Variants in BECN1 observed in about 807,000 individuals in gnomAD.
BECN1 encodes the protein beclin-1.
A neutral mutation model predicts 60.1 loss-of-function variants in BECN1; 15 were observed. The observed-to-expected ratio is 0.25, with a 90% confidence interval of 0.17 to 0.38. The LOEUF (loss-of-function observed/expected upper bound fraction) is 0.38, where lower values mean the gene tolerates loss of function less well. BECN1 is among the 10% of genes least tolerant of loss of function. BECN1 has a pLI of 1.00. For missense variants in BECN1, 424 were observed against 548.2 expected (o/e 0.77, Z 2.26); for synonymous variants, 179 against 201.8 (o/e 0.89, Z 0.96).
At chr17:42,816,855 A>G (rs913681068) in intron 7 of BECN1, among the ~76,000 whole-genome samples, 11 of 152,142 alleles carry the variant, frequency 7.2e-5, no homozygotes, top group African/African-American at 2.7e-4. Context: ...CTGTAGTCCC[A>G]GCTACTTGGG....
chr17:42,816,112 C>T, intron 7 of BECN1, 58 bp from the exon 8 acceptor site: 1 of 1,488,474 alleles, frequency 6.7e-7, no homozygotes, highest in Admixed American at 2.2e-5. Context: ...AAGTTTCTCT[C>T]TCACCACACT....
chr17:42,812,877 C>G (rs1597927387), intron 10 of BECN1: 1 of 132,814 alleles, frequency 7.5e-6, no homozygotes, highest in East Asian at 2.2e-4. Context: ...CTTTGTCGCC[C>G]AGGCTGGAGT....
intron 2 of BECN1, among the ~76,000 whole-genome samples, chr17:42,821,267 G>T (rs1380985027): frequency 6.6e-6 from 1 of 152,066 alleles, no homozygotes; most frequent in African/African-American, 2.4e-5. Context: ...CACCATGTTG[G>T]CCAGGTCTTG....
chr17:42,824,025 G>A, intron 1 of BECN1, 130 bp downstream of exon 1: 1 of 1,061,320 alleles, frequency 9.4e-7, no homozygotes, highest in Non-Finnish European at 1.3e-6. Flanking sequence ...GATACGGGGA[G>A]GACCTGCTTC....
Position 42,810,850 on chromosome 17 carries a change from A to G in BECN1, c.1263T>C (p.Ser421=). The G allele has an allele frequency of 6.2e-7, 1 of 1,613,728 alleles. No individual in the cohort carries two copies. The highest frequency in any genetic ancestry group is 8.5e-7 in the Non-Finnish European group (1 of 1,179,810). Residue 421 remains serine (S), a synonymous_variant, in exon 12 of 12, where the codon TCT becomes TCC. Coordinates refer to ENST00000590099, the MANE Select transcript of BECN1 (RefSeq NM_001313998.2). ...GSYSIKTQFN[S]EEQWTKALKF... ...TGAGAGCTTTTGTCCACTGCTCCTC[A>G]GAGTTAAACTGGGTTTTGATGGAAT... is the stretch of plus-strand genomic sequence containing the variant.
rs2055107962 is a variant in BECN1, at chr17:42,814,626, A to G, written c.878T>C (p.Leu293Pro). The change falls in exon 9 of 12, where the codon CTG (leucine) becomes CCG (proline). Residue 293 changes from leucine to proline, a missense_variant. Leu to Pro is a moderately conservative substitution (Grantham distance 98). This residue lies in a region of BECN1 where 326 missense variants were observed against 406.2 expected (regional missense o/e 0.80). Transcript: ENST00000590099. ...GTINNFRLGR[L>P]PSVPVEWNEI... ...ATTCCATTCCACGGGAACACTGGGC[A>G]GGCGACCCAGCCTGAAGTTATTGAT... 1 of 1,614,072 alleles carries G rather than the reference A, an allele frequency of 6.2e-7. No individual in the cohort carries two copies. The highest frequency in any genetic ancestry group is 1.3e-5 in the African/African-American group (1 of 74,930).
intron 11 of BECN1, 85 bp from the exon 12 acceptor site, chr17:42,811,013 C>T: frequency 2.2e-6 from 3 of 1,345,170 alleles, no homozygotes; most frequent in Non-Finnish European, 3.0e-6. Flanking sequence ...TGGGACCATT[C>T]ACGTCATTTT....
chr17:42,814,701 G>A, intron 8 of BECN1, 28 bp from the exon 9 acceptor site: 1 of 1,612,630 alleles, frequency 6.2e-7, no homozygotes, highest in Non-Finnish European at 8.5e-7. Flanking sequence ...AAGGTGGGGG[G>A]AAATACAGGG....
chr17:42,813,887 C>A, intron 10 of BECN1, 61 bp downstream of exon 10: 1 of 1,233,672 alleles, frequency 8.1e-7, no homozygotes, highest in Non-Finnish European at 1.1e-6. Context: ...AGCAAACCAT[C>A]CATTTTCTTA....
chr17:42,813,867 C>A, intron 10 of BECN1, 81 bp downstream of exon 10: 1 of 1,018,706 alleles, frequency 9.8e-7, no homozygotes, highest in Non-Finnish European at 1.5e-6. Flanking sequence ...AAATTGAATG[C>A]CAATATCAAA....
chr17:42,823,500 C>G (rs991834436), intron 2 of BECN1, among the ~76,000 whole-genome samples: 1 of 152,160 alleles, frequency 6.6e-6, no homozygotes, highest in African/African-American at 2.4e-5. Flanking sequence ...GTGATCTGCC[C>G]GCCTCGGTCT....
rs2054977460 is a variant in BECN1 at position 42,810,674 on chromosome 17, A to G, written c.*86T>C. 1.4e-6 allele frequency: 2 copies of G among 1,419,638 alleles called. No homozygotes were observed. The highest frequency in any genetic ancestry group is 1.9e-6 in the Non-Finnish European group (2 of 1,051,104). 87.9% of individuals were successfully genotyped at this position (1,419,638 alleles called of 1,614,324 possible). Reference sequence around the variant, plus strand: ...TGGTATTGTAAACATGTACTGTTTAATATTACCCGAATTTAATTTAAAACA... The same window carrying G: ...TGGTATTGTAAACATGTACTGTTTAGTATTACCCGAATTTAATTTAAAACA... On this transcript the variant is annotated 3_prime_UTR_variant, in exon 12 of 12. Coordinates refer to ENST00000590099, the MANE Select transcript of BECN1 (RefSeq NM_001313998.2).
At chr17:42,822,710 AT>A (rs2055293885) in intron 2 of BECN1, among the ~76,000 whole-genome samples, 1 of 151,658 alleles carries the variant, frequency 6.6e-6, no homozygotes, top group South Asian at 2.1e-4. Flanking sequence ...TTTTTAATTA[AT>A]TTATTTTTTG....
Position 42,818,893 on chromosome 17 carries a change from C to G in BECN1, c.261-16G>C. ...GGACATCATCCTGCAGACAGCCCCC[C>G]GCCCACGGGCCACATGAGGGAACAG... is the stretch of plus-strand genomic sequence containing the variant. On this transcript the variant is annotated splice_polypyrimidine_tract_variant and intron_variant, in intron 4 of 11. Transcript: ENST00000590099. The G allele has an allele frequency of 6.2e-7, 1 of 1,613,558 alleles. No homozygotes were observed. Among genetic ancestry groups the G allele is most frequent in the Non-Finnish European group, 8.5e-7 (1 of 1,179,608 alleles).
In BECN1 at chr17:42,820,573, G is replaced by C. The variant is rs1220902627; in HGVS notation, c.198+201C>G. 7.9e-6 allele frequency: 4 copies of C among 505,906 alleles called. No homozygotes were observed. In the East Asian group the frequency reaches 8.8e-5, roughly 11 times the overall value. 31.3% of individuals were successfully genotyped at this position (505,906 alleles called of 1,614,324 possible). On this transcript the variant is annotated intron_variant, in intron 3 of 11. Transcript: ENST00000590099. ...CTAATTCAGTAACCCTGTGACCTCA[G>C]GTGCAGATCTGTACCTCCAATGGTG...
rs147009277 is a variant in BECN1 at position 42,818,473 on chromosome 17, C to T, written c.489-58G>A. On this transcript the variant is annotated intron_variant, in intron 6 of 11. Coordinates refer to ENST00000590099, the MANE Select transcript of BECN1 (RefSeq NM_001313998.2). ...GAGCTCCATTTGCCTGAGTGGAGTACGGCTCTTGGGTAAGGGCCAAGCAGT... is the reference window on the plus strand; with the variant it reads ...GAGCTCCATTTGCCTGAGTGGAGTATGGCTCTTGGGTAAGGGCCAAGCAGT... The T allele has an allele frequency of 5.7e-4, 916 of 1,611,794 alleles. 1 individual carries two copies. Among genetic ancestry groups the T allele is most frequent in the Non-Finnish European group, 6.3e-4 (741 of 1,178,350 alleles).
At chr17:42,818,191 G>A (rs2144184760) in intron 7 of BECN1, 30 bp downstream of exon 7, 1 of 1,606,258 alleles carries the variant, frequency 6.2e-7, no homozygotes, top group Non-Finnish European at 8.5e-7. Flanking sequence ...AGCCTCGAGT[G>A]TGAGAAGATA....
intron 8 of BECN1, 112 bp downstream of exon 8, chr17:42,815,796 G>A (rs1320339753): frequency 7.3e-7 from 1 of 1,364,774 alleles, no homozygotes; most frequent in Admixed American, 1.8e-5. Context: ...AAACCTAGTT[G>A]GGTGAAGATA....
chr17:42,818,109 G>A, intron 7 of BECN1, 112 bp downstream of exon 7: 1 of 1,161,148 alleles, frequency 8.6e-7, no homozygotes. Flanking sequence ...GGGCAGGCAT[G>A]CTGCTGACTG....
Sources: allele counts gnomAD v4.1 joint callset (sites outside exome capture counted in the v4.1 genomes callset), GRCh38; gene constraint gnomAD v4.1.1; regional missense constraint gnomAD v4.1.1; transcripts MANE v1.5; gene names NCBI Gene and HGNC (gene_info 2026-07-23, HGNC 2026-07-21).